The following GFRA1 variants were observed in gnomAD, a reference collection of about 807,000 sequenced individuals.
GFRA1 encodes the protein GDNF family receptor alpha 1.
GFRA1 carries 16 observed loss-of-function variants against 51.6 expected under a neutral mutation model. The ratio of observed to expected loss-of-function variants is 0.31; its 90% confidence interval spans 0.21 to 0.47. The LOEUF is 0.47. Among genes scored for constraint, GFRA1 ranks in the 20% least tolerant of loss-of-function variants. GFRA1 has a pLI of 1.00. For missense variants in GFRA1, 530 were observed against 594.3 expected, an observed-to-expected ratio of 0.89 and a Z score of 1.13; for synonymous variants, 270 against 241.3, an observed-to-expected ratio of 1.12 and a Z score of -1.10.
chr10:116,184,766 G>A (rs1029980686), intron 5 of GFRA1, among the ~76,000 whole-genome samples: 2 of 152,146 alleles, frequency 1.3e-5, no homozygotes, highest in Non-Finnish European at 2.9e-5. Context: ...GGAGGTCCTG[G>A]GAAAATAGGT....
intron 5 of GFRA1, among the ~76,000 whole-genome samples, chr10:116,135,837 G>A (rs1565601435): frequency 6.7e-6 from 1 of 148,456 alleles, no homozygotes; most frequent in Non-Finnish European, 1.5e-5. Context: ...TTTAGTAATA[G>A]TCAGTCTAAG....
intron 6 of GFRA1, among the ~76,000 whole-genome samples, chr10:116,097,693 T>C (rs1956658714): frequency 6.6e-6 from 1 of 152,206 alleles, no homozygotes; most frequent in African/African-American, 2.4e-5. Context: ...AAGAACACAA[T>C]GGACTTCACA....
upstream of GFRA1, among the ~76,000 whole-genome samples, chr10:116,274,645 G>A (rs1349906586): frequency 1.3e-5 from 2 of 152,142 alleles, no homozygotes; most frequent in Admixed American, 6.5e-5. Flanking sequence ...CCAAACCCGG[G>A]GGACATCCTA....
chr10:116,111,362 C>G (rs1957204806), intron 6 of GFRA1, among the ~76,000 whole-genome samples: 1 of 152,218 alleles, frequency 6.6e-6, no homozygotes, highest in South Asian at 2.1e-4. Context: ...ATCAGCTTGT[C>G]TCAGTATCCT....
At chr10:116,176,859 C>G (rs10749200) in intron 5 of GFRA1, among the ~76,000 whole-genome samples, 142,607 of 152,062 alleles carry the variant, frequency 0.94, 66,898 homozygotes, top group Admixed American at 0.96. Flanking sequence ...AAATAGACAA[C>G]CAAGAGATCA....
intron 4 of GFRA1, among the ~76,000 whole-genome samples, chr10:116,253,199 T>C (rs1039308317): frequency 4.6e-5 from 7 of 152,168 alleles, no homozygotes; most frequent in Admixed American, 2.0e-4. Context: ...CAGCAAGAGA[T>C]GCCACAGAAA....
intron 3 of GFRA1, among the ~76,000 whole-genome samples, chr10:116,270,505 G>A (rs770214172): frequency 6.6e-6 from 1 of 152,214 alleles, no homozygotes; most frequent in East Asian, 1.9e-4. Context: ...TCCTTGGAAA[G>A]AAGTTGTGGG....
At chr10:116,133,580 C>G (rs1267406611) in intron 5 of GFRA1, among the ~76,000 whole-genome samples, 1 of 152,162 alleles carries the variant, frequency 6.6e-6, no homozygotes, top group Admixed American at 6.5e-5. Flanking sequence ...ATCTAAGGTC[C>G]CTTCAAGCCT....
At chr10:116,087,292 G>A (rs926035667) in intron 9 of GFRA1, among the ~76,000 whole-genome samples, 18 of 152,090 alleles carry the variant, frequency 1.2e-4, no homozygotes, top group East Asian at 1.9e-4. Context: ...GACAGGGGGC[G>A]GTGTGGAAGA....
chr10:116,270,785 AG>A (rs775207807), intron 3 of GFRA1, 36 bp downstream of exon 3: 1 of 1,484,548 alleles, frequency 6.7e-7, no homozygotes, highest in African/African-American at 1.4e-5. Flanking sequence ...GCCTTCGGGG[AG>A]GGACACGGGG....
At chr10:116,102,448 A>T (rs746601870) in intron 6 of GFRA1, among the ~76,000 whole-genome samples, 2 of 152,178 alleles carry the variant, frequency 1.3e-5, no homozygotes, top group African/African-American at 2.4e-5. Context: ...CCCACCAGGG[A>T]CTGCACAGCA....
chr10:116,256,269 C>A (rs1178337008), intron 4 of GFRA1, among the ~76,000 whole-genome samples: 1 of 152,182 alleles, frequency 6.6e-6, no homozygotes, highest in Non-Finnish European at 1.5e-5. Context: ...TTGCTCCTTG[C>A]CACCGTGCTA....
chr10:116,235,272 A>C (rs1223953944), intron 4 of GFRA1, among the ~76,000 whole-genome samples: 2 of 152,132 alleles, frequency 1.3e-5, no homozygotes, highest in African/African-American at 4.8e-5. Flanking sequence ...CTTGCCCAAA[A>C]CTTATGGTTA....
intron 5 of GFRA1, among the ~76,000 whole-genome samples, chr10:116,137,924 C>A (rs1958400509): frequency 6.6e-6 from 1 of 152,120 alleles, no homozygotes; most frequent in African/African-American, 2.4e-5. Flanking sequence ...GCCTCAGCCT[C>A]CCCAGTAGCT....
chr10:116,243,460 G>A (rs1442159500), intron 4 of GFRA1, among the ~76,000 whole-genome samples: 2 of 151,278 alleles, frequency 1.3e-5, no homozygotes, highest in Non-Finnish European at 2.9e-5. Flanking sequence ...AAATGATACA[G>A]GTATATAGAC....
chr10:116,205,598 T>G (rs11197584), intron 5 of GFRA1, among the ~76,000 whole-genome samples: 73 of 3,618 alleles, frequency 0.02, 1 homozygote, highest in African/African-American at 0.074. Flanking sequence ...AAAAAAAAGA[T>G]ATATATATAT....
chr10:116,089,619 G>T, intron 9 of GFRA1, 122 bp downstream of exon 9: 1 of 865,810 alleles, frequency 1.2e-6, no homozygotes, highest in Non-Finnish European at 2.0e-6. Context: ...GCAGTTTTGA[G>T]ACTCAAACCC....
At chr10:116,163,419 A>G (rs1255240797) in intron 5 of GFRA1, among the ~76,000 whole-genome samples, 1 of 152,202 alleles carries the variant, frequency 6.6e-6, no homozygotes, top group Non-Finnish European at 1.5e-5. Flanking sequence ...TTGGGAAACA[A>G]TTTATTCACA....
rs1392510173 is a variant in GFRA1, at chr10:116,165,475, A to G, written c.434-39918T>C. ...CATGATAATGTAGATCAGCTACCCA[A>G]TCATGGCCATAAACAGCATTTTCCT... On this transcript the variant is annotated intron_variant, in intron 5 of 10. Coordinates refer to ENST00000355422, the MANE Select transcript of GFRA1 (RefSeq NM_005264.8). 3.9e-5 allele frequency among the ~76,000 whole-genome samples: 6 copies of G among 152,154 alleles called. No homozygotes were observed. The East Asian group carries it at 9.6e-4, about 24-fold the overall frequency.
Sources: allele counts gnomAD v4.1 joint callset (sites outside exome capture counted in the v4.1 genomes callset), GRCh38; gene constraint gnomAD v4.1.1; transcripts MANE v1.5; gene names NCBI Gene and HGNC (gene_info 2026-07-23, HGNC 2026-07-21).